Variants in ZNF679 observed in about 807,000 individuals in gnomAD.
ZNF679 encodes the protein hypothetical protein MGC42415.
A neutral mutation model predicts 13.4 loss-of-function variants in ZNF679; 10 were observed. The observed-to-expected ratio is 0.75, with a 90% CI of 0.46 to 1.27. The LOEUF (loss-of-function observed/expected upper bound fraction) is 1.27, where lower values mean the gene tolerates loss of function less well. Ranked by LOEUF, ZNF679 falls within the 50% of genes most tolerant of loss-of-function variation. The pLI is 0.00. For synonymous variants in ZNF679, 179 were observed against 162.5 expected (o/e 1.10, Z -0.77); for missense variants, 525 against 477.8 (o/e 1.10, Z -0.92).
Position 64,249,067 on chromosome 7 carries a change from C to G in ZNF679, c.-51C>G. The G allele has an allele frequency of 2.5e-6, 4 of 1,613,006 alleles. No individual in the cohort carries two copies. Among genetic ancestry groups the G allele is most frequent in the Non-Finnish European group, 3.4e-6 (4 of 1,179,350 alleles). On this transcript the variant is annotated 5_prime_UTR_variant, in exon 2 of 5. Coordinates refer to ENST00000421025, the MANE Select transcript of ZNF679 (RefSeq NM_153363.3). Reference sequence around the variant, plus strand: ...TCTTCACTGCTCTGCGTCCTCTGTTCCTAGAGGCCAAGCCACTGTGGCCTT... The same window carrying G: ...TCTTCACTGCTCTGCGTCCTCTGTTGCTAGAGGCCAAGCCACTGTGGCCTT...
At chr7:64,234,673 T>C (rs981234482) in intron 1 of ZNF679, among the ~76,000 whole-genome samples, 3 of 152,204 alleles carry the variant, frequency 2.0e-5, no homozygotes, top group Non-Finnish European at 4.4e-5. Context: ...CGGAGTCTTC[T>C]GGACCCTGAA....
At position 64,266,172 on chromosome 7, in the gene ZNF679, GA is replaced by G. The variant is rs1176343433; in HGVS notation, c.542del (p.Lys181ArgfsTer24). 1 of 1,597,536 alleles carries G rather than the reference GA, an allele frequency of 6.3e-7. No homozygotes were observed. Among genetic ancestry groups the G allele is most frequent in the African/African-American group, 1.3e-5 (1 of 74,544 alleles). On this transcript the variant is annotated frameshift_variant, in exon 5 of 5. Coordinates refer to ENST00000421025, the MANE Select transcript of ZNF679 (RefSeq NM_153363.3). LOFTEE classifies it low-confidence loss of function (END_TRUNC). ...NSNRHKTRHT[G>X]KKHFKCKKYG... ...AATAGACATAAGACAAGACATACTG[GA>G]AAGAAACATTTCAAATGTAAAAAAT... is the stretch of plus-strand genomic sequence containing the variant.
At chr7:64,244,082 T>C (rs1468287162) in intron 1 of ZNF679, among the ~76,000 whole-genome samples, 1 of 152,078 alleles carries the variant, frequency 6.6e-6, no homozygotes, top group Admixed American at 6.5e-5. Flanking sequence ...AAACTTGGTC[T>C]CTAATAAAAA....
intron 1 of ZNF679, among the ~76,000 whole-genome samples, chr7:64,235,908 AAAGAT>A (rs1251553693): frequency 7.9e-6 from 1 of 127,280 alleles, no homozygotes; most frequent in Non-Finnish European, 1.7e-5. Flanking sequence ...AAGACACAAA[AAAGAT>A]AAGAAGCAGA....
chr7:64,253,483 C>A (rs1787967394), intron 2 of ZNF679, among the ~76,000 whole-genome samples: 2 of 152,092 alleles, frequency 1.3e-5, no homozygotes, highest in South Asian at 4.1e-4. Context: ...AAGCTGGGGA[C>A]CCACAGGCAG....
intron 4 of ZNF679, among the ~76,000 whole-genome samples, chr7:64,263,960 A>G (rs1788110607): frequency 6.6e-6 from 1 of 151,950 alleles, no homozygotes; most frequent in Admixed American, 6.6e-5. Context: ...ATTGAAAGTG[A>G]GGTCTTAATG....
chr7:64,266,072 T>A lies in ZNF679; in HGVS notation c.439T>A (p.Cys147Ser). 1 of 1,613,354 alleles carries A rather than the reference T, an allele frequency of 6.2e-7. No individual in the cohort carries two copies. The highest frequency in any genetic ancestry group is 8.5e-7 in the Non-Finnish European group (1 of 1,179,630). Residue 147 changes from cysteine (C) to serine (S), a missense_variant, in exon 5 of 5, where the codon TGT becomes AGT. Transcript: ENST00000421025. ...QKGGCNEVNQ[C>S]LSTTQNKIFQ... is the part of the protein sequence containing the mutation. ...AGGAGGTTGTAATGAAGTTAACCAA[T>A]GTTTGTCAACTACCCAAAACAAAAT...
intron 1 of ZNF679, among the ~76,000 whole-genome samples, chr7:64,234,889 G>T (rs1185608567): frequency 6.6e-6 from 1 of 152,180 alleles, no homozygotes; most frequent in African/African-American, 2.4e-5. Context: ...CCAGGCTGGG[G>T]TGCTATGGCA....
chr7:64,229,714 G>C (rs531972442), intron 1 of ZNF679, among the ~76,000 whole-genome samples: 1 of 152,248 alleles, frequency 6.6e-6, no homozygotes, highest in East Asian at 1.9e-4. Context: ...AATCTAGCCA[G>C]GGGAGTAAAA....
intron 1 of ZNF679, among the ~76,000 whole-genome samples, chr7:64,235,536 C>A (rs1584224529): frequency 6.6e-6 from 1 of 151,482 alleles, no homozygotes; most frequent in Non-Finnish European, 1.5e-5. Context: ...TGCCTGTAAT[C>A]CCAGCACTTT....
intron 1 of ZNF679, among the ~76,000 whole-genome samples, chr7:64,242,756 T>C (rs1787814837): frequency 8.2e-6 from 1 of 122,624 alleles, no homozygotes; most frequent in South Asian, 3.0e-4. Context: ...ATGTGTGTGG[T>C]AATCACCTGT....
intron 1 of ZNF679, among the ~76,000 whole-genome samples, chr7:64,238,410 A>C (rs1315702151): frequency 6.6e-6 from 1 of 152,080 alleles, no homozygotes; most frequent in Non-Finnish European, 1.5e-5. Flanking sequence ...ATTTTATTTG[A>C]AACAGAGTCT....
At chr7:64,237,681 A>G (rs558354265) in intron 1 of ZNF679, among the ~76,000 whole-genome samples, 1 of 152,290 alleles carries the variant, frequency 6.6e-6, no homozygotes, top group African/African-American at 2.4e-5. Flanking sequence ...CAACCACATC[A>G]GGACTCAGTT....
intron 1 of ZNF679, among the ~76,000 whole-genome samples, chr7:64,236,915 AAAGAAAG>A (rs1382140066): frequency 2.1e-4 from 28 of 131,318 alleles, no homozygotes; most frequent in Admixed American, 4.1e-4. Context: ...AAAAAGAAAG[AAAGAAAG>A]AAGAAAGAAA....
At chr7:64,236,945 G>GA (rs765729190) in intron 1 of ZNF679, among the ~76,000 whole-genome samples, 1 of 46,352 alleles carries the variant, frequency 2.2e-5, no homozygotes, top group Non-Finnish European at 3.9e-5. Context: ...AAGAAAGAAA[G>GA]AAAGAAAGAA....
In ZNF679 at chr7:64,235,583, G is replaced by A. The variant is rs550444972; in HGVS notation, c.-91+6931G>A. 7.9e-5 allele frequency among the ~76,000 whole-genome samples: 12 copies of A among 152,194 alleles called. No individual in the cohort carries two copies. In the South Asian group the frequency reaches 2.5e-3, roughly 32 times the overall value. ...GTGGGTGGATCACCTAAGGTCAGGA[G>A]ATCAAGACCAGGTTGCCCAAAATGG... is the stretch of plus-strand genomic sequence containing the variant. On this transcript the variant is annotated intron_variant, in intron 1 of 4. Transcript: ENST00000421025.
Position 64,266,705 on chromosome 7 carries a change from G to A in ZNF679, c.1072G>A (p.Gly358Arg), listed in dbSNP as rs750061716. Reference protein sequence around the residue: ...GEKPYKCKECGKAFAFSSTLN... With the variant: ...GEKPYKCKECRKAFAFSSTLN... Reference sequence around the variant, plus strand: ...GAAACCCTACAAATGTAAAGAATGTGGGAAAGCCTTTGCCTTCTCCTCAAC... The same window carrying A: ...GAAACCCTACAAATGTAAAGAATGTAGGAAAGCCTTTGCCTTCTCCTCAAC... Residue 358 changes from glycine to arginine, a missense_variant, in exon 5 of 5, where the codon GGG (glycine) becomes AGG (arginine). Gly to Arg is a moderately radical substitution (Grantham distance 125). Coordinates refer to ENST00000421025, the MANE Select transcript of ZNF679 (RefSeq NM_153363.3). 85 of 1,613,028 alleles carry A rather than the reference G, an allele frequency of 5.3e-5. No homozygotes were observed. Among genetic ancestry groups the A allele is most frequent in the Non-Finnish European group, 6.5e-5 (77 of 1,179,588 alleles).
Position 64,266,442 on chromosome 7 carries a change from G to T in ZNF679, c.809G>T (p.Cys270Phe), listed in dbSNP as rs1422065282. 2 of 1,611,782 alleles carry T rather than the reference G, an allele frequency of 1.2e-6. No homozygotes were observed. Among genetic ancestry groups the T allele is most frequent in the East Asian group, 4.5e-5 (2 of 44,138 alleles). Residue 270 changes from cysteine (C) to phenylalanine (F), a missense_variant, in exon 5 of 5, where the codon TGT becomes TTT. Physicochemically the swap from Cys to Phe is radical, Grantham distance 205. Transcript: ENST00000421025. ...RIHTGEKPYT[C>F]EECGQAFSRS... ...CATACTGGAGAAAAACCCTACACAT[G>T]TGAAGAATGTGGCCAAGCCTTTAGC...
At chr7:64,240,558 T>C (rs17139336) in intron 1 of ZNF679, among the ~76,000 whole-genome samples, 3,914 of 152,292 alleles carry the variant, frequency 0.026, 164 homozygotes, top group African/African-American at 0.09. Context: ...GTGACTGTCA[T>C]ATGCACATCC....
Sources: gnomAD v4.1 joint callset for allele counts (sites outside exome capture counted in the v4.1 genomes callset) on GRCh38, gnomAD v4.1.1 for gene constraint, MANE v1.5 for transcripts, NCBI Gene and HGNC (gene_info 2026-07-23, HGNC 2026-07-21) for gene names.